GLIS1: variants seen among roughly 807,000 people sequenced by gnomAD.
The protein encoded by GLIS1 is zinc finger protein GLIS1.
A neutral mutation model predicts 63.8 loss-of-function variants in GLIS1; 24 were observed. The observed-to-expected ratio is 0.38, with a 90% CI of 0.27 to 0.53. The LOEUF (loss-of-function observed/expected upper bound fraction) is 0.53, where lower values mean the gene tolerates loss of function less well. Ranked by LOEUF, GLIS1 falls within the 20% of genes least tolerant of loss-of-function variation. The pLI is 0.85. For synonymous variants in GLIS1, 450 were observed against 482.5 expected, an observed-to-expected ratio of 0.93 and a Z score of 0.88; for missense variants, 1,036 against 1,074.1, an observed-to-expected ratio of 0.96 and a Z score of 0.50.
At chr1:53,520,990 G>T (rs559976931) in intron 6 of GLIS1, among the ~76,000 whole-genome samples, 1 of 152,236 alleles carries the variant, frequency 6.6e-6, no homozygotes, top group African/African-American at 2.4e-5. Flanking sequence ...GATTCAACAT[G>T]CAAGGATTTA....
chr1:53,531,791 G>A (rs1346535966), intron 4 of GLIS1, among the ~76,000 whole-genome samples: 1 of 152,172 alleles, frequency 6.6e-6, no homozygotes, highest in Non-Finnish European at 1.5e-5. Context: ...TGACTGTAGC[G>A]AGCTTAGACA....
chr1:53,727,628 G>T (rs1646818681), intron 2 of GLIS1, among the ~76,000 whole-genome samples: 1 of 152,204 alleles, frequency 6.6e-6, no homozygotes. Flanking sequence ...CAGTCATCAG[G>T]CCCCAAGCTC....
At chr1:53,692,664 G>A (rs1319008232) in intron 2 of GLIS1, among the ~76,000 whole-genome samples, 3 of 152,228 alleles carry the variant, frequency 2.0e-5, no homozygotes, top group Non-Finnish European at 2.9e-5. Context: ...GCTCTAGCCT[G>A]AGTGGAAGTG....
intron 2 of GLIS1, among the ~76,000 whole-genome samples, chr1:53,635,720 AAAG>A (rs1375887445): frequency 1.3e-5 from 2 of 152,176 alleles, no homozygotes; most frequent in Non-Finnish European, 2.9e-5. Context: ...AGACCACAAG[AAAG>A]AAGGAGGAGG....
intron 4 of GLIS1, among the ~76,000 whole-genome samples, chr1:53,586,593 A>G (rs1481441192): frequency 2.6e-5 from 4 of 152,238 alleles, no homozygotes; most frequent in Non-Finnish European, 2.9e-5. Context: ...GCCTCACAAC[A>G]GTCCTATTAC....
chr1:53,516,843 ACCACCACCG>A (rs1307780932), intron 7 of GLIS1, among the ~76,000 whole-genome samples: 1 of 151,814 alleles, frequency 6.6e-6, no homozygotes, highest in Non-Finnish European at 1.5e-5. Context: ...CACCACCACC[ACCACCACCG>A]AAAAGTGCCC....
chr1:53,585,218 T>C (rs1482936553), intron 4 of GLIS1, among the ~76,000 whole-genome samples: 1 of 151,918 alleles, frequency 6.6e-6, no homozygotes, highest in Non-Finnish European at 1.5e-5. Flanking sequence ...CTTCAAAAAA[T>C]GGGGAGGTGG....
Position 53,506,426 on chromosome 1 carries a change from G to A in GLIS1, c.*193C>T, listed in dbSNP as rs928936946. On this transcript the variant is annotated 3_prime_UTR_variant, in exon 11 of 11. Transcript: ENST00000628545. ...CAGATCCTGGCGGGCACCTCTGTGCGCCCAGCTCAAGCTCGGATGGCGGCT... is the reference window on the plus strand; with the variant it reads ...CAGATCCTGGCGGGCACCTCTGTGCACCCAGCTCAAGCTCGGATGGCGGCT... 6.5e-5 allele frequency: 39 copies of A among 599,208 alleles called. No individual in the cohort carries two copies. The highest frequency in any genetic ancestry group is 4.2e-4 in the South Asian group (20 of 47,132). 37.1% of individuals were successfully genotyped at this position (599,208 alleles called of 1,614,324 possible).
intron 4 of GLIS1, among the ~76,000 whole-genome samples, chr1:53,569,385 G>C (rs1428051873): frequency 6.6e-6 from 1 of 152,172 alleles, no homozygotes; most frequent in Non-Finnish European, 1.5e-5. Flanking sequence ...AGGGGAGGCT[G>C]CGTGTGTGAG....
chr1:53,559,233 C>A (rs1644861548), intron 4 of GLIS1, among the ~76,000 whole-genome samples: 1 of 152,174 alleles, frequency 6.6e-6, no homozygotes, highest in Admixed American at 6.5e-5. Context: ...CCAAGTGTTT[C>A]TTGGCTGCAC....
At chr1:53,641,032 T>G (rs17387150) in intron 2 of GLIS1, among the ~76,000 whole-genome samples, 14,794 of 152,216 alleles carry the variant, frequency 0.097, 918 homozygotes, top group South Asian at 0.24. Flanking sequence ...GGTTTAAACC[T>G]GACCCTGGGG....
intron 2 of GLIS1, among the ~76,000 whole-genome samples, chr1:53,728,080 C>A (rs1335768437): frequency 6.6e-6 from 1 of 152,104 alleles, no homozygotes; most frequent in African/African-American, 2.4e-5. Flanking sequence ...CCTGTGCTGG[C>A]CATACGGGGT....
intron 2 of GLIS1, among the ~76,000 whole-genome samples, chr1:53,704,973 A>C (rs1646562545): frequency 6.6e-6 from 1 of 152,168 alleles, no homozygotes; most frequent in African/African-American, 2.4e-5. Context: ...CAGATGAGTA[A>C]AGTGAGGCCA....
intron 2 of GLIS1, among the ~76,000 whole-genome samples, chr1:53,622,372 G>A (rs1645553031): frequency 6.8e-6 from 1 of 147,386 alleles, no homozygotes. Flanking sequence ...AGGTTGCAGT[G>A]AGCCGAGATC....
chr1:53,716,519 C>T (rs1646700185), intron 2 of GLIS1, among the ~76,000 whole-genome samples: 1 of 152,054 alleles, frequency 6.6e-6, no homozygotes, highest in African/African-American at 2.4e-5. Flanking sequence ...GAATGGAAAA[C>T]AGGAACACAG....
chr1:53,567,879 CT>C (rs1644949039), intron 4 of GLIS1, among the ~76,000 whole-genome samples: 1 of 152,230 alleles, frequency 6.6e-6, no homozygotes. Context: ...ATGGAAATGC[CT>C]GAATGTCCAG....
At chr1:53,694,259 G>C (rs1646440442) in intron 2 of GLIS1, among the ~76,000 whole-genome samples, 1 of 152,168 alleles carries the variant, frequency 6.6e-6, no homozygotes, top group South Asian at 2.1e-4. Context: ...AGGGGCGCTG[G>C]GGGAGGGGTG....
chr1:53,649,328 T>G (rs1480396449), intron 2 of GLIS1, among the ~76,000 whole-genome samples: 1 of 152,210 alleles, frequency 6.6e-6, no homozygotes, highest in Non-Finnish European at 1.5e-5. Context: ...ATTAACTATA[T>G]GTTCTGTACG....
intron 2 of GLIS1, among the ~76,000 whole-genome samples, chr1:53,725,445 G>C (rs1182604232): frequency 6.6e-6 from 1 of 152,200 alleles, no homozygotes; most frequent in East Asian, 1.9e-4. Flanking sequence ...AGCAGACCAA[G>C]GCTGGGTGAG....
Sources: gnomAD v4.1 joint callset for allele counts (sites outside exome capture counted in the v4.1 genomes callset) on GRCh38, gnomAD v4.1.1 for gene constraint, MANE v1.5 for transcripts, NCBI Gene and HGNC (gene_info 2026-07-23, HGNC 2026-07-21) for gene names.